Variants in MLX observed in about 807,000 individuals in gnomAD.
MLX encodes max-like protein X.
In MLX, 15 loss-of-function variants were observed where a neutral mutation model predicts 33.0. The ratio of observed to expected loss-of-function variants is 0.45; its 90% CI spans 0.30 to 0.70. MLX has a LOEUF of 0.70. MLX is among the 30% of genes least tolerant of loss of function. The pLI, the probability that MLX is intolerant of heterozygous loss-of-function variation, is 0.07. For missense variants in MLX, 285 were observed against 306.3 expected, an observed-to-expected ratio of 0.93 and a Z score of 0.52; for synonymous variants, 115 against 115.6, an observed-to-expected ratio of 0.99 and a Z score of 0.03.
chr17:42,568,592 G>C (rs372463522), intron 3 of MLX, 33 bp downstream of exon 3: 2 of 1,566,618 alleles, frequency 1.3e-6, no homozygotes, highest in Admixed American at 1.7e-5. Flanking sequence ...ACCTCGGGGG[G>C]CTCAGATATG....
chr17:42,571,214 T>G (rs1368860536), intron 7 of MLX, among the ~76,000 whole-genome samples: 2 of 148,598 alleles, frequency 1.3e-5, no homozygotes, highest in Non-Finnish European at 3.0e-5. Context: ...GTCAGCTCAC[T>G]GCAACTTCCA....
At chr17:42,567,457 C>G in intron 1 of MLX, 162 bp from the exon 2 acceptor site, 1 of 1,400,990 alleles carries the variant, frequency 7.1e-7, no homozygotes, top group Non-Finnish European at 9.6e-7. Flanking sequence ...TCGGGGGACT[C>G]ATTAAGCTGC....
In MLX at chr17:42,570,010, C is replaced by A. The variant is rs1165000260; in HGVS notation, c.505C>A (p.Gln169Lys). ...VNYEQIVKAH[Q>K]DNPHEGEDQV... ...CTATGAGCAGATTGTGAAGGCACACCAGGACAACCCCCATGAAGGGGAGGA... is the reference window on the plus strand; with the variant it reads ...CTATGAGCAGATTGTGAAGGCACACAAGGACAACCCCCATGAAGGGGAGGA... The change falls in exon 7 of 8, where the codon CAG (glutamine) becomes AAG (lysine). Residue 169 changes from glutamine (Q) to lysine (K), a missense_variant. Gln to Lys is a moderately conservative substitution (Grantham distance 53). Coordinates refer to ENST00000435881, the MANE Select transcript of MLX (RefSeq NM_198204.2). 1 of 1,614,010 alleles carries A rather than the reference C, an allele frequency of 6.2e-7. No homozygotes were observed. Among genetic ancestry groups the A allele is most frequent in the Non-Finnish European group, 8.5e-7 (1 of 1,180,028 alleles).
chr17:42,570,716 C>T (rs1024572530), intron 7 of MLX, among the ~76,000 whole-genome samples: 1 of 151,560 alleles, frequency 6.6e-6, no homozygotes, highest in African/African-American at 2.4e-5. Flanking sequence ...AGTGCAGTGG[C>T]ACAATCTCGG....
chr17:42,569,548 CAGG>C lies in MLX; in HGVS notation c.428_430del (p.Glu143del). 1.2e-6 allele frequency: 2 copies of C among 1,614,046 alleles called. No individual in the cohort carries two copies. The highest frequency in any genetic ancestry group is 1.7e-6 in the Non-Finnish European group (2 of 1,179,994). Reference sequence around the variant, plus strand: ...GTTTTTGCACAAGGAGAAGAAAAAGCAGGAGGAGGAGGTGTCCACGTTACGCAA... The same window carrying C: ...GTTTTTGCACAAGGAGAAGAAAAAGCAGGAGGAGGTGTCCACGTTACGCAA... On this transcript the variant is annotated inframe_deletion, in exon 6 of 8. Transcript: ENST00000435881.
In MLX at chr17:42,569,204, A is replaced by C; in HGVS notation, c.277A>C (p.Arg93=). The C allele has an allele frequency of 6.2e-7, 1 of 1,613,894 alleles. No homozygotes were observed. Among genetic ancestry groups the C allele is most frequent in the Non-Finnish European group, 8.5e-7 (1 of 1,179,826 alleles). ...CCCATTTCCCCTGCTGTTTCCACAG[A>C]GAGGCTATGATGACCTTCAGACCAT... ...AEQKRRDAIK[R]GYDDLQTIVP... The change falls in exon 5 of 8, where the codon AGA becomes CGA. Residue 93 remains arginine (R), a splice_region_variant and synonymous_variant. Transcript: ENST00000435881.
intron 7 of MLX, among the ~76,000 whole-genome samples, chr17:42,571,021 G>T (rs2093029524): frequency 6.6e-6 from 1 of 152,020 alleles, no homozygotes; most frequent in African/African-American, 2.4e-5. Context: ...AGTTCACAGT[G>T]AACACTCGTA....
chr17:42,569,949 G>A, intron 6 of MLX, 33 bp from the exon 7 acceptor site: 4 of 1,602,264 alleles, frequency 2.5e-6, no homozygotes, highest in East Asian at 2.2e-5. Context: ...CGGAGCTGCT[G>A]CAGCACCTCA....
intron 2 of MLX, chr17:42,568,024 G>C: frequency 3.3e-6 from 1 of 305,822 alleles, no homozygotes; most frequent in East Asian, 6.7e-5. Flanking sequence ...GGGGGGCCCA[G>C]TATGGTTGGC....
chr17:42,573,147 G>A lies in MLX; in HGVS notation c.*1544G>A. The A allele has an allele frequency of 1.2e-6, 2 of 1,614,226 alleles. No homozygotes were observed. The highest frequency in any genetic ancestry group is 1.7e-6 in the Non-Finnish European group (2 of 1,180,040). On this transcript the variant is annotated 3_prime_UTR_variant, in exon 8 of 8. Coordinates refer to ENST00000435881, the MANE Select transcript of MLX (RefSeq NM_198204.2). Reference sequence around the variant, plus strand: ...GCTCTTGGGGTATCCTTCAAGTATTGCATCAGACAGCTCTGTAGCCTGACA... The same window carrying A: ...GCTCTTGGGGTATCCTTCAAGTATTACATCAGACAGCTCTGTAGCCTGACA...
chr17:42,567,510 A>C (rs2093013115), intron 1 of MLX, 109 bp from the exon 2 acceptor site: 3 of 1,567,096 alleles, frequency 1.9e-6, no homozygotes, highest in Non-Finnish European at 1.7e-6. Context: ...GCAGGGTGAC[A>C]GAGGCGCCTT....
In MLX at chr17:42,571,784, T is replaced by C; in HGVS notation, c.*181T>C. ...CAGCGGAGCCGCGGTGTTTGTTTTG[T>C]GAAAGCTTCTGATTAATTTATTATA... On this transcript the variant is annotated 3_prime_UTR_variant, in exon 8 of 8. Transcript: ENST00000435881. 6.5e-6 allele frequency: 4 copies of C among 615,490 alleles called. 1 individual carries two copies. The South Asian group carries it at 7.6e-5, about 12-fold the overall frequency. The allele number at this position is 615,490 out of a possible 1,614,324, so 38.1% of individuals were successfully genotyped here.
chr17:42,569,878 C>T (rs2093023652), intron 6 of MLX, 104 bp from the exon 7 acceptor site: 1 of 1,120,562 alleles, frequency 8.9e-7, no homozygotes, highest in Non-Finnish European at 1.3e-6. Context: ...CACCCAGAAG[C>T]TCTCTGGGGC....
chr17:42,569,453 T>C, intron 5 of MLX, 54 bp from the exon 6 acceptor site: 1 of 1,544,842 alleles, frequency 6.5e-7, no homozygotes, highest in Non-Finnish European at 8.9e-7. Context: ...CAGCCTTATC[T>C]TCTTGGTTGA....
chr17:42,567,334 G>T (rs781057635), intron 1 of MLX, 168 bp downstream of exon 1: 1 of 1,402,184 alleles, frequency 7.1e-7, no homozygotes, highest in Non-Finnish European at 9.3e-7. Flanking sequence ...CCAAGGTGGG[G>T]AGACAAACGA....
chr17:42,571,498 C>G, intron 7 of MLX, 49 bp from the exon 8 acceptor site: 1 of 1,593,018 alleles, frequency 6.3e-7, no homozygotes, highest in Non-Finnish European at 8.6e-7. Flanking sequence ...GGAAACTACT[C>G]TGCGTTGACT....
In MLX at chr17:42,571,624, G is replaced by C. The variant is rs201636524; in HGVS notation, c.*21G>C. On this transcript the variant is annotated 3_prime_UTR_variant, in exon 8 of 8. Transcript: ENST00000435881. Reference sequence around the variant, plus strand: ...ACTGACCGGTTCTTGGAAACCTGGAGAACAGCCAACAAGAGGCCCTTGAAT... The same window carrying C: ...ACTGACCGGTTCTTGGAAACCTGGACAACAGCCAACAAGAGGCCCTTGAAT... 75 of 1,613,374 alleles carry C rather than the reference G, an allele frequency of 4.6e-5. No individual in the cohort carries two copies. Among genetic ancestry groups the C allele is most frequent in the Admixed American group, 1.8e-4 (11 of 60,008 alleles).
chr17:42,571,444 A>T, intron 7 of MLX, 103 bp from the exon 8 acceptor site: 1 of 1,318,778 alleles, frequency 7.6e-7, no homozygotes, highest in Non-Finnish European at 1.1e-6. Flanking sequence ...GGCTATTTTT[A>T]AAGCACTTTT....
intron 1 of MLX, 135 bp from the exon 2 acceptor site, chr17:42,567,482 CTG>C (rs1478169497): frequency 1.4e-6 from 2 of 1,475,402 alleles, no homozygotes; most frequent in African/African-American, 2.8e-5. Context: ...GCACCCCGGG[CTG>C]TGTGTGTGCA....
Sources: gnomAD v4.1 joint callset for allele counts (sites outside exome capture counted in the v4.1 genomes callset) on GRCh38, gnomAD v4.1.1 for gene constraint, MANE v1.5 for transcripts, NCBI Gene and HGNC (gene_info 2026-07-23, HGNC 2026-07-21) for gene names.